CCDC178: variants seen among roughly 807,000 people sequenced by gnomAD.
CCDC178 encodes coiled-coil domain-containing protein 178.
Under a neutral mutation model 117.4 loss-of-function variants are expected in CCDC178, and 126 were observed. The observed-to-expected ratio is 1.07, with a 90% confidence interval of 0.93 to 1.24. CCDC178 has a LOEUF of 1.24. Among genes scored for constraint, CCDC178 ranks in the 50% most tolerant of loss-of-function variants. The pLI is 0.00. For missense variants in CCDC178, 1,030 were observed against 986.9 expected (o/e 1.04, Z -0.59); for synonymous variants, 283 against 313.4 (o/e 0.90, Z 1.02).
At chr18:33,303,632 T>A (rs1323111406) in intron 11 of CCDC178, among the ~76,000 whole-genome samples, 2 of 151,974 alleles carry the variant, frequency 1.3e-5, no homozygotes, top group African/African-American at 4.8e-5. Flanking sequence ...TTCCACCCAA[T>A]TTTGCTGTGA....
intron 6 of CCDC178, among the ~76,000 whole-genome samples, chr18:33,357,813 GAT>G (rs35500149): frequency 0.45 from 63,802 of 143,148 alleles, 15,000 homozygotes; most frequent in African/African-American, 0.66. Context: ...AAAATTATAT[GAT>G]ATATATATAT....
chr18:33,315,835 A>G (rs1032575944), intron 11 of CCDC178, among the ~76,000 whole-genome samples: 2 of 152,240 alleles, frequency 1.3e-5, no homozygotes, highest in African/African-American at 4.8e-5. Flanking sequence ...ATATATCCCC[A>G]TATCTGGCAA....
At chr18:33,249,610 C>G (rs1300757513) in intron 14 of CCDC178, among the ~76,000 whole-genome samples, 1 of 152,052 alleles carries the variant, frequency 6.6e-6, no homozygotes, top group Non-Finnish European at 1.5e-5. Context: ...GGGCTCTGTT[C>G]TGTTCCATTC....
At chr18:33,360,464 C>T (rs984487105) in intron 6 of CCDC178, among the ~76,000 whole-genome samples, 13 of 151,250 alleles carry the variant, frequency 8.6e-5, no homozygotes, top group African/African-American at 3.1e-4. Flanking sequence ...CGACCTCCCA[C>T]ATTATGTCAA....
intron 21 of CCDC178, among the ~76,000 whole-genome samples, chr18:33,069,273 T>G (rs1301575384): frequency 6.6e-6 from 1 of 152,030 alleles, no homozygotes; most frequent in African/African-American, 2.4e-5. Context: ...TACCGGATTT[T>G]AAAGTATACT....
intron 20 of CCDC178, among the ~76,000 whole-genome samples, chr18:33,137,219 T>C (rs1487977884): frequency 2.0e-5 from 3 of 152,212 alleles, no homozygotes; most frequent in Non-Finnish European, 4.4e-5. Flanking sequence ...TTTATTCAGT[T>C]CATTCACAAG....
chr18:33,235,828 A>T (rs1364451537), intron 15 of CCDC178, among the ~76,000 whole-genome samples: 2 of 152,148 alleles, frequency 1.3e-5, no homozygotes, highest in Non-Finnish European at 2.9e-5. Context: ...TTCCATCAAC[A>T]CTATAATTGA....
chr18:33,100,774 T>C (rs1262858684), intron 20 of CCDC178, among the ~76,000 whole-genome samples: 4 of 152,026 alleles, frequency 2.6e-5, no homozygotes, highest in African/African-American at 7.2e-5. Flanking sequence ...CCTATAACTA[T>C]TGAATAACTT....
intron 22 of CCDC178, among the ~76,000 whole-genome samples, chr18:32,965,234 G>A (rs941797838): frequency 2.6e-5 from 4 of 152,046 alleles, no homozygotes; most frequent in Middle Eastern, 3.4e-3. Flanking sequence ...GTGTCAGTAA[G>A]TGTGCATCCT....
chr18:33,432,509 A>ACG (rs1345442797), intron 2 of CCDC178, among the ~76,000 whole-genome samples: 61 of 151,288 alleles, frequency 4.0e-4, no homozygotes, highest in African/African-American at 1.5e-3. Flanking sequence ...ACACACACAC[A>ACG]CACACACACA....
At chr18:33,433,034 C>T (rs1187843841) in intron 2 of CCDC178, among the ~76,000 whole-genome samples, 1 of 152,182 alleles carries the variant, frequency 6.6e-6, no homozygotes, top group Non-Finnish European at 1.5e-5. Context: ...TTTTAACACT[C>T]ACCAAGTTCT....
At chr18:33,373,309 C>T (rs993496571) in intron 5 of CCDC178, among the ~76,000 whole-genome samples, 2 of 152,068 alleles carry the variant, frequency 1.3e-5, no homozygotes, top group African/African-American at 4.8e-5. Flanking sequence ...TGTGCAATGC[C>T]GCTGTTTGGT....
intron 20 of CCDC178, among the ~76,000 whole-genome samples, chr18:33,187,089 GAGAGA>G (rs2058803710): frequency 5.0e-5 from 3 of 59,654 alleles, no homozygotes; most frequent in Admixed American, 1.7e-4. Flanking sequence ...GGCGGCAGGA[GAGAGA>G]GAGAGAGAGA....
chr18:33,395,064 T>G (rs2063617981), intron 4 of CCDC178, among the ~76,000 whole-genome samples: 1 of 146,278 alleles, frequency 6.8e-6, no homozygotes, highest in Non-Finnish European at 1.5e-5. Context: ...TACTTCTAAG[T>G]GGAGCACAGG....
chr18:33,249,985 T>A (rs1483310588), intron 14 of CCDC178, among the ~76,000 whole-genome samples: 1 of 151,992 alleles, frequency 6.6e-6, no homozygotes, highest in African/African-American at 2.4e-5. Flanking sequence ...TTCCTTCACA[T>A]CCCTTGTAAG....
intron 15 of CCDC178, among the ~76,000 whole-genome samples, chr18:33,228,094 C>G (rs1243994099): frequency 6.6e-6 from 1 of 152,042 alleles, no homozygotes; most frequent in African/African-American, 2.4e-5. Context: ...TATGTATGGG[C>G]ATGTGTGCTT....
intron 6 of CCDC178, among the ~76,000 whole-genome samples, chr18:33,363,848 A>C (rs1401260766): frequency 1.3e-5 from 2 of 152,106 alleles, no homozygotes; most frequent in East Asian, 3.9e-4. Context: ...TTTGGGGAGC[A>C]GTATTAATCA....
intron 20 of CCDC178, among the ~76,000 whole-genome samples, chr18:33,180,687 A>G (rs530001882): frequency 6.6e-6 from 1 of 152,168 alleles, no homozygotes; most frequent in East Asian, 1.9e-4. Flanking sequence ...CAACAAACCT[A>G]AGAACATATG....
intron 21 of CCDC178, among the ~76,000 whole-genome samples, chr18:33,037,308 C>G (rs1205887844): frequency 1.3e-5 from 2 of 151,896 alleles, no homozygotes; most frequent in South Asian, 4.1e-4. Flanking sequence ...TTGATTGAGT[C>G]TCTTGAGAAA....
Sources: allele counts gnomAD v4.1 joint callset (sites outside exome capture counted in the v4.1 genomes callset), GRCh38; gene constraint gnomAD v4.1.1; transcripts MANE v1.5; gene names NCBI Gene and HGNC (gene_info 2026-07-23, HGNC 2026-07-21).